DLG2: variants seen among roughly 807,000 people sequenced by gnomAD.
DLG2 encodes disks large homolog 2.
A neutral mutation model predicts 132.5 loss-of-function variants in DLG2; 45 were observed. That is an observed-to-expected ratio of 0.34 (90% CI 0.27 to 0.44). DLG2 has a LOEUF of 0.44. Among genes scored for constraint, DLG2 ranks in the 20% least tolerant of loss-of-function variants. DLG2 has a pLI of 1.00. For missense variants in DLG2, 1,045 were observed against 1,196.9 expected (o/e 0.87, Z 1.87); for synonymous variants, 424 against 419.6 (o/e 1.01, Z -0.13).
chr11:84,585,870 C>A (rs1013083482), intron 6 of DLG2, among the ~76,000 whole-genome samples: 1 of 152,122 alleles, frequency 6.6e-6, no homozygotes, highest in Admixed American at 6.6e-5. Context: ...TATCTTATAG[C>A]GTTAACGCTG....
chr11:85,108,423 TAAGCAC>T, intron 6 of DLG2, among the ~76,000 whole-genome samples: 1 of 152,214 alleles, frequency 6.6e-6, no homozygotes, highest in South Asian at 2.1e-4. Flanking sequence ...GACACTCTCT[TAAGCAC>T]AAGGTGAAGA....
intron 21 of DLG2, among the ~76,000 whole-genome samples, chr11:83,523,509 A>T (rs1592445069): frequency 1.3e-5 from 2 of 152,210 alleles, no homozygotes; most frequent in Non-Finnish European, 2.9e-5. Context: ...TGCAGGGCCC[A>T]GCTCTGCCAC....
At chr11:83,476,297 A>G (rs888874793) in intron 22 of DLG2, among the ~76,000 whole-genome samples, 8 of 152,120 alleles carry the variant, frequency 5.3e-5, no homozygotes, top group African/African-American at 7.2e-5. Context: ...TGTGATCTTG[A>G]CAGGCATCAC....
At chr11:85,345,553 T>A (rs1177586353) in intron 3 of DLG2, among the ~76,000 whole-genome samples, 3 of 152,102 alleles carry the variant, frequency 2.0e-5, no homozygotes, top group Non-Finnish European at 4.4e-5. Context: ...CTGGCAGAAA[T>A]GGAACCAGGA....
chr11:83,986,942 T>C (rs2093362957), intron 11 of DLG2, among the ~76,000 whole-genome samples: 1 of 152,194 alleles, frequency 6.6e-6, no homozygotes. Context: ...TTGAGTTCAT[T>C]GTAGATTCTG....
At chr11:83,841,019 T>G (rs2057405707) in intron 16 of DLG2, among the ~76,000 whole-genome samples, 1 of 152,196 alleles carries the variant, frequency 6.6e-6, no homozygotes, top group South Asian at 2.1e-4. Context: ...CTCAAACATT[T>G]TGAGCCTAGC....
intron 18 of DLG2, among the ~76,000 whole-genome samples, chr11:83,718,057 G>A (rs2087194108): frequency 1.3e-5 from 2 of 152,174 alleles, no homozygotes; most frequent in Admixed American, 1.3e-4. Flanking sequence ...ATTATGCTCA[G>A]GGGGACAAAG....
intron 7 of DLG2, among the ~76,000 whole-genome samples, chr11:84,343,816 T>G (rs2098526704): frequency 6.6e-6 from 1 of 152,202 alleles, no homozygotes; most frequent in South Asian, 2.1e-4. Flanking sequence ...AGCCTAAAAT[T>G]TACATTTTTT....
intron 9 of DLG2, among the ~76,000 whole-genome samples, chr11:84,148,839 T>C (rs2154248477): frequency 6.6e-6 from 1 of 152,278 alleles, no homozygotes; most frequent in South Asian, 2.1e-4. Context: ...CCATCCACAA[T>C]GTAAAAGCAT....
intron 17 of DLG2, among the ~76,000 whole-genome samples, chr11:83,799,571 C>A (rs2043787076): frequency 6.6e-6 from 1 of 152,160 alleles, no homozygotes; most frequent in Non-Finnish European, 1.5e-5. Flanking sequence ...TGCAGCTATT[C>A]TCCTCAAATA....
intron 3 of DLG2, among the ~76,000 whole-genome samples, chr11:85,297,631 C>T (rs950060326): frequency 6.6e-6 from 1 of 152,040 alleles, no homozygotes; most frequent in Non-Finnish European, 1.5e-5. Flanking sequence ...TTTCCTTTCC[C>T]TTTCCCTTTC....
chr11:83,650,307 T>C (rs941146383), intron 18 of DLG2, among the ~76,000 whole-genome samples: 8 of 152,108 alleles, frequency 5.3e-5, no homozygotes, highest in African/African-American at 1.9e-4. Flanking sequence ...CACAGGTCCA[T>C]GTAAGAGGTA....
chr11:84,139,955 T>C (rs2094770882), intron 9 of DLG2, among the ~76,000 whole-genome samples: 1 of 152,176 alleles, frequency 6.6e-6, no homozygotes, highest in African/African-American at 2.4e-5. Flanking sequence ...TAAATTTAAA[T>C]ACTTTGGGGT....
chr11:83,944,275 G>T lies in DLG2; in HGVS notation c.1341-13792C>A, dbSNP rs186954852. ...TAAAGTCTCAGAAATCACCACTAAA[G>T]AATGTATTTATATAATCAAACACTG... On this transcript the variant is annotated intron_variant, in intron 14 of 27. Coordinates refer to ENST00000376104, the MANE Select transcript of DLG2 (RefSeq NM_001142699.3). Among the ~76,000 whole-genome samples the T allele has an allele frequency of 1.3e-4, 20 of 152,276 alleles. No homozygotes were observed. The East Asian group carries it at 1.9e-3, about 15-fold the overall frequency.
chr11:85,492,942 AG>A (rs2093594894), intron 3 of DLG2, among the ~76,000 whole-genome samples: 1 of 152,124 alleles, frequency 6.6e-6, no homozygotes, highest in Non-Finnish European at 1.5e-5. Context: ...TTCAAGCTGA[AG>A]ATGCTGATTT....
intron 15 of DLG2, among the ~76,000 whole-genome samples, chr11:83,903,270 A>G (rs1400757607): frequency 6.6e-6 from 1 of 152,108 alleles, no homozygotes; most frequent in African/African-American, 2.4e-5. Context: ...ATTACTCTCT[A>G]CTAGGTAACA....
At chr11:84,949,785 T>C (rs779660144) in intron 6 of DLG2, among the ~76,000 whole-genome samples, 13 of 152,200 alleles carry the variant, frequency 8.5e-5, no homozygotes, top group Non-Finnish European at 1.5e-4. Flanking sequence ...CTGTACAATT[T>C]GTGTAGTTAA....
intron 2 of DLG2, chr11:85,625,009 G>C (rs2153282441): frequency 6.6e-6 from 1 of 152,264 alleles, no homozygotes; most frequent in Non-Finnish European, 1.5e-5. Context: ...GGTTTATGGG[G>C]TTTAGAAACA....
At chr11:83,813,043 T>C (rs185430970) in intron 17 of DLG2, among the ~76,000 whole-genome samples, 86 of 152,202 alleles carry the variant, frequency 5.7e-4, no homozygotes, top group African/African-American at 1.9e-3. Flanking sequence ...CCCATAACAA[T>C]CCTTTGAAGC....
Sources: gnomAD v4.1 joint callset for allele counts (sites outside exome capture counted in the v4.1 genomes callset) on GRCh38, gnomAD v4.1.1 for gene constraint, MANE v1.5 for transcripts, NCBI Gene and HGNC (gene_info 2026-07-23, HGNC 2026-07-21) for gene names.